The following LTBP1 variants were observed in gnomAD, a reference collection of about 807,000 sequenced individuals.
LTBP1 encodes the protein latent transforming growth factor beta binding protein 1.
A neutral mutation model predicts 207.6 loss-of-function variants in LTBP1; 129 were observed. The ratio of observed to expected loss-of-function variants is 0.62; its 90% CI spans 0.54 to 0.72. The LOEUF is 0.72. Ranked by LOEUF, LTBP1 falls within the 30% of genes least tolerant of loss-of-function variation. The pLI, the probability that LTBP1 is intolerant of heterozygous loss-of-function variation, is 0.00. For missense variants in LTBP1, 2,281 were observed against 2,217.2 expected (o/e 1.03, Z -0.58); for synonymous variants, 963 against 833.7 (o/e 1.16, Z -2.67).
intron 24 of LTBP1, among the ~76,000 whole-genome samples, chr2:33,338,634 G>A (rs2094579764): frequency 1.3e-5 from 2 of 152,168 alleles, no homozygotes; most frequent in Non-Finnish European, 2.9e-5. Flanking sequence ...TAAAGGAGGT[G>A]CTGCAGAGGA....
At chr2:33,294,500 T>A (rs1024919353) in intron 20 of LTBP1, among the ~76,000 whole-genome samples, 2 of 150,078 alleles carry the variant, frequency 1.3e-5, no homozygotes, top group African/African-American at 4.9e-5. Flanking sequence ...CCTGGCTAGG[T>A]CTCTTTTAAA....
At chr2:33,087,604 C>T (rs556671452) in intron 3 of LTBP1, among the ~76,000 whole-genome samples, 1 of 152,254 alleles carries the variant, frequency 6.6e-6, no homozygotes, top group Non-Finnish European at 1.5e-5. Context: ...AGATCACTTA[C>T]CACTCCCACC....
At chr2:32,954,548 G>GCC (rs531876196) in intron 2 of LTBP1, among the ~76,000 whole-genome samples, 1,764 of 135,802 alleles carry the variant, frequency 0.013, 41 homozygotes, top group African/African-American at 0.039. Flanking sequence ...TCCACTCCCC[G>GCC]CCCCCCCCCA....
intron 3 of LTBP1, among the ~76,000 whole-genome samples, chr2:33,101,345 T>C (rs772781167): frequency 4.6e-5 from 7 of 152,224 alleles, no homozygotes; most frequent in Non-Finnish European, 1.0e-4. Context: ...TGAATAGAAA[T>C]CTAATATTAT....
intron 23 of LTBP1, among the ~76,000 whole-genome samples, chr2:33,312,982 T>A (rs578044409): frequency 6.6e-6 from 1 of 152,174 alleles, no homozygotes; most frequent in East Asian, 1.9e-4. Context: ...GGGCAGCAGG[T>A]TGGAAATAAA....
At chr2:33,199,954 C>T (rs1012724436) in intron 7 of LTBP1, among the ~76,000 whole-genome samples, 7 of 152,046 alleles carry the variant, frequency 4.6e-5, no homozygotes, top group Non-Finnish European at 7.4e-5. Context: ...AACTACAAAC[C>T]ACTGCTCAAT....
chr2:33,149,835 G>C (rs1343219357), intron 5 of LTBP1, among the ~76,000 whole-genome samples: 2 of 152,150 alleles, frequency 1.3e-5, no homozygotes, highest in African/African-American at 4.8e-5. Flanking sequence ...TCTGAGCTAT[G>C]GCTGTTGGAA....
chr2:33,072,016 G>A (rs1438014083), intron 3 of LTBP1, among the ~76,000 whole-genome samples: 1 of 135,320 alleles, frequency 7.4e-6, no homozygotes, highest in Admixed American at 7.7e-5. Flanking sequence ...CACAGGTTCA[G>A]GGCTCAGTCC....
chr2:32,989,682 C>G (rs1194116215), intron 2 of LTBP1, among the ~76,000 whole-genome samples: 2 of 152,138 alleles, frequency 1.3e-5, no homozygotes, highest in African/African-American at 2.4e-5. Flanking sequence ...TTCTGAGGAA[C>G]CAGTTGCATT....
chr2:33,100,240 G>C (rs1447386324), intron 3 of LTBP1, among the ~76,000 whole-genome samples: 2 of 152,216 alleles, frequency 1.3e-5, no homozygotes, highest in Admixed American at 6.5e-5. Flanking sequence ...TAAGTGAAGA[G>C]TGCGAGAGTG....
chr2:33,116,381 A>G (rs1395141669), intron 4 of LTBP1, among the ~76,000 whole-genome samples: 3 of 152,238 alleles, frequency 2.0e-5, no homozygotes, highest in African/African-American at 7.2e-5. Flanking sequence ...TCAACAAGGC[A>G]GAAATTTTAC....
rs960361712 is a variant in LTBP1, at chr2:33,294,594, T to C, written c.3235+1312T>C. ...GGTAAAATTTTTTTTTTTTTTTTTT[T>C]TGGAGACAGAGTCTTGCTCTGTCGC... On this transcript the variant is annotated intron_variant, in intron 20 of 33. Transcript: ENST00000404816. 2.1e-4 allele frequency among the ~76,000 whole-genome samples: 31 copies of C among 150,048 alleles called. No individual in the cohort carries two copies. The East Asian group carries it at 4.9e-3, about 24-fold the overall frequency.
intron 3 of LTBP1, among the ~76,000 whole-genome samples, chr2:33,037,779 A>T (rs184631905): frequency 6.6e-6 from 1 of 152,200 alleles, no homozygotes; most frequent in African/African-American, 2.4e-5. Context: ...GTGCCGTGGC[A>T]TGACCATGGC....
intron 7 of LTBP1, among the ~76,000 whole-genome samples, chr2:33,216,875 A>T (rs1033930106): frequency 6.6e-6 from 1 of 152,124 alleles, no homozygotes; most frequent in African/African-American, 2.4e-5. Flanking sequence ...TTAACACTGG[A>T]CAACCAGTGT....
chr2:33,339,873 G>A (rs903533773), intron 24 of LTBP1, among the ~76,000 whole-genome samples: 3 of 151,930 alleles, frequency 2.0e-5, no homozygotes, highest in African/African-American at 4.8e-5. Context: ...TTGAACTCCC[G>A]ACCTCAGGTG....
chr2:33,288,415 A>G (rs2093707342), intron 19 of LTBP1, among the ~76,000 whole-genome samples: 1 of 152,222 alleles, frequency 6.6e-6, no homozygotes, highest in Non-Finnish European at 1.5e-5. Context: ...AAGGTTCTTC[A>G]CCCAGATGAA....
At chr2:33,014,350 G>A (rs1351281741) in intron 2 of LTBP1, among the ~76,000 whole-genome samples, 1 of 152,096 alleles carries the variant, frequency 6.6e-6, no homozygotes, top group East Asian at 1.9e-4. Flanking sequence ...TTGGTACAAG[G>A]AGCAAGCAGA....
At chr2:33,041,444 C>T (rs564188598) in intron 3 of LTBP1, among the ~76,000 whole-genome samples, 16 of 152,242 alleles carry the variant, frequency 1.1e-4, no homozygotes, top group Admixed American at 2.6e-4. Context: ...GCCACCATGC[C>T]CAGCTAATTT....
intron 26 of LTBP1, among the ~76,000 whole-genome samples, chr2:33,358,334 T>C (rs3769551): frequency 0.071 from 10,734 of 152,118 alleles, 549 homozygotes; most frequent in Middle Eastern, 0.13. Flanking sequence ...GTTTGTATGA[T>C]GTGAGTGTAA....
Sources: gnomAD v4.1 joint callset for allele counts (sites outside exome capture counted in the v4.1 genomes callset) on GRCh38, gnomAD v4.1.1 for gene constraint, MANE v1.5 for transcripts, NCBI Gene and HGNC (gene_info 2026-07-23, HGNC 2026-07-21) for gene names.